The following RBFOX1 variants were observed in gnomAD, a reference collection of about 807,000 sequenced individuals.
RBFOX1 encodes the protein RNA binding fox-1 homolog 1, also known as RNA binding protein fox-1 homolog 1.
RBFOX1 carries 8 observed loss-of-function variants against 57.7 expected under a neutral mutation model. That is an observed-to-expected ratio of 0.14 (90% CI 0.08 to 0.25). The LOEUF (loss-of-function observed/expected upper bound fraction) is 0.25. Ranked by LOEUF, RBFOX1 falls within the 10% of genes least tolerant of loss-of-function variation. The pLI, the probability that RBFOX1 is intolerant of heterozygous loss-of-function variation, is 1.00. For synonymous variants in RBFOX1, 326 were observed against 222.4 expected (o/e 1.47, Z -4.15); for missense variants, 611 against 548.5 (o/e 1.11, Z -1.14).
chr16:6,680,081 T>G (rs1331772525), intron 3 of RBFOX1, among the ~76,000 whole-genome samples: 4 of 151,944 alleles, frequency 2.6e-5, no homozygotes, highest in Non-Finnish European at 5.9e-5. Flanking sequence ...CTGAAGAGAT[T>G]GGCAACTTGG....
chr16:6,105,049 T>C (rs1269483275), intron 1 of RBFOX1, among the ~76,000 whole-genome samples: 1 of 152,214 alleles, frequency 6.6e-6, no homozygotes, highest in Non-Finnish European at 1.5e-5. Flanking sequence ...TGTCATTTTG[T>C]CTACCAAGGG....
At chr16:7,584,899 T>G (rs990637148) in intron 6 of RBFOX1, among the ~76,000 whole-genome samples, 1 of 152,168 alleles carries the variant, frequency 6.6e-6, no homozygotes, top group Non-Finnish European at 1.5e-5. Context: ...AGAAGCAAAC[T>G]TTGAGACCAC....
intron 4 of RBFOX1, among the ~76,000 whole-genome samples, chr16:5,908,202 A>G (rs1384902200): frequency 6.8e-6 from 1 of 146,544 alleles, no homozygotes; most frequent in African/African-American, 2.6e-5. Context: ...ATATACATAT[A>G]CACACATATA....
intron 4 of RBFOX1, among the ~76,000 whole-genome samples, chr16:7,172,442 T>G (rs1435612309): frequency 6.6e-6 from 1 of 152,156 alleles, no homozygotes; most frequent in Admixed American, 6.5e-5. Flanking sequence ...GGATAAAATA[T>G]ACATATTTCT....
chr16:7,492,977 C>T (rs527754564), intron 4 of RBFOX1, among the ~76,000 whole-genome samples: 1 of 152,178 alleles, frequency 6.6e-6, no homozygotes, highest in East Asian at 1.9e-4. Context: ...CTCCCAGGTT[C>T]AAGCGATTCT....
At chr16:6,997,524 C>A (rs571075318) in intron 3 of RBFOX1, among the ~76,000 whole-genome samples, 11 of 152,244 alleles carry the variant, frequency 7.2e-5, no homozygotes, top group African/African-American at 2.6e-4. Context: ...GTCTGAATTG[C>A]TTTCCAATTT....
chr16:6,919,100 C>T (rs867792835), intron 3 of RBFOX1, among the ~76,000 whole-genome samples: 1 of 152,156 alleles, frequency 6.6e-6, no homozygotes, highest in Non-Finnish European at 1.5e-5. Flanking sequence ...CTGTCTCAGC[C>T]TACTGAGTAG....
In RBFOX1 at chr16:6,661,995, C is replaced by A. The variant is rs147121800; in HGVS notation, c.-16+7345C>A. On this transcript the variant is annotated intron_variant, in intron 3 of 15. Coordinates refer to ENST00000550418, the MANE Select transcript of RBFOX1 (RefSeq NM_018723.4). ...TGCCATGTGCAACAAGATAGATGAA[C>A]CTAGAGGACATTAGGTGAAGTGAAG... Among the ~76,000 whole-genome samples the A allele has an allele frequency of 2.8e-3, 421 of 152,062 alleles. 3 individuals carry two copies. Among genetic ancestry groups the A allele is most frequent in the African/African-American group, 9.5e-3 (394 of 41,464 alleles).
At chr16:6,645,817 A>G (rs933845159) in intron 2 of RBFOX1, among the ~76,000 whole-genome samples, 4 of 152,274 alleles carry the variant, frequency 2.6e-5, no homozygotes, top group South Asian at 2.1e-4. Flanking sequence ...CCTAGCCACA[A>G]ACGAGGCAAC....
intron 3 of RBFOX1, among the ~76,000 whole-genome samples, chr16:7,005,837 C>T (rs149624446): frequency 7.2e-5 from 11 of 152,266 alleles, no homozygotes; most frequent in South Asian, 2.1e-4. Context: ...GCTTCTTCAC[C>T]GACTACAGCT....
intron 2 of RBFOX1, among the ~76,000 whole-genome samples, chr16:5,486,205 ACTG>A (rs1773655441): frequency 6.6e-6 from 1 of 152,196 alleles, no homozygotes; most frequent in Non-Finnish European, 1.5e-5. Flanking sequence ...TGGAGACTTG[ACTG>A]CAGTATTGTC....
chr16:6,722,282 C>G (rs1282266467), intron 3 of RBFOX1, among the ~76,000 whole-genome samples: 2 of 152,048 alleles, frequency 1.3e-5, no homozygotes, highest in African/African-American at 2.4e-5. Flanking sequence ...CTAAGAGTTT[C>G]CACTTCTCCA....
intron 1 of RBFOX1, among the ~76,000 whole-genome samples, chr16:6,297,339 C>T (rs2078241341): frequency 1.3e-5 from 2 of 152,130 alleles, no homozygotes; most frequent in Non-Finnish European, 2.9e-5. Context: ...GATGGAGTTG[C>T]TCTGGTTCAC....
At position 7,527,224 on chromosome 16, in the gene RBFOX1, G is replaced by C. The variant is rs535205577; in HGVS notation, c.270+8835G>C. 2.0e-5 allele frequency among the ~76,000 whole-genome samples: 3 copies of C among 152,130 alleles called. No homozygotes were observed. In the East Asian group the frequency reaches 5.8e-4, roughly 29 times the overall value. On this transcript the variant is annotated intron_variant, in intron 5 of 15. Coordinates refer to ENST00000550418, the MANE Select transcript of RBFOX1 (RefSeq NM_018723.4). ...TGGGTACTGTCTCTTGTTTCCTTAG[G>C]AGCCTGAGCACTATGCTTCTCACTC... is the stretch of plus-strand genomic sequence containing the variant.
intron 3 of RBFOX1, among the ~76,000 whole-genome samples, chr16:6,987,294 C>T (rs1240307019): frequency 1.3e-5 from 2 of 152,144 alleles, no homozygotes; most frequent in South Asian, 2.1e-4. Flanking sequence ...TTAGGATCAT[C>T]TGGTTCAGTC....
chr16:7,501,281 A>G (rs2070758433), intron 4 of RBFOX1, among the ~76,000 whole-genome samples: 1 of 152,244 alleles, frequency 6.6e-6, no homozygotes, highest in Non-Finnish European at 1.5e-5. Context: ...TTGAGAAGGT[A>G]ATGTCAAAAT....
intron 4 of RBFOX1, among the ~76,000 whole-genome samples, chr16:7,477,571 G>A (rs967421564): frequency 3.3e-5 from 5 of 152,092 alleles, no homozygotes; most frequent in South Asian, 2.1e-4. Context: ...GACAGATTCC[G>A]GCTGGCTCCA....
intron 1 of RBFOX1, among the ~76,000 whole-genome samples, chr16:6,201,032 C>A (rs534458392): frequency 6.6e-6 from 1 of 151,760 alleles, no homozygotes; most frequent in East Asian, 1.9e-4. Context: ...TTTTAGCTCC[C>A]ACATATGAGT....
intron 1 of RBFOX1, among the ~76,000 whole-genome samples, chr16:5,378,074 CT>C (rs1201615547): frequency 1.3e-5 from 2 of 151,604 alleles, no homozygotes; most frequent in Non-Finnish European, 2.9e-5. Flanking sequence ...CAGTGTTGCA[CT>C]GCCTGCCAAT....
Sources: gnomAD v4.1 joint callset for allele counts (sites outside exome capture counted in the v4.1 genomes callset) on GRCh38, gnomAD v4.1.1 for gene constraint, MANE v1.5 for transcripts, NCBI Gene and HGNC (gene_info 2026-07-23, HGNC 2026-07-21) for gene names.